EYS: variants seen among roughly 807,000 people sequenced by gnomAD.
EYS encodes the protein protein eyes shut homolog.
EYS carries 250 observed loss-of-function variants against 282.1 expected under a neutral mutation model. The ratio of observed to expected loss-of-function variants is 0.89; its 90% confidence interval spans 0.80 to 0.98. EYS has a LOEUF of 0.98. Ranked by LOEUF, EYS falls within the 50% of genes least tolerant of loss-of-function variation. The pLI is 0.00. For synonymous variants in EYS, 1,355 were observed against 1,282.9 expected, an observed-to-expected ratio of 1.06 and a Z score of -1.20; for missense variants, 4,016 against 3,709.0, an observed-to-expected ratio of 1.08 and a Z score of -2.15.
chr6:65,459,536 T>C (rs1764741917), intron 5 of EYS, among the ~76,000 whole-genome samples: 1 of 152,006 alleles, frequency 6.6e-6, no homozygotes, highest in Non-Finnish European at 1.5e-5. Flanking sequence ...GAGTATATGA[T>C]ATTTTAAATC....
intron 31 of EYS, among the ~76,000 whole-genome samples, chr6:64,215,460 T>C (rs746569989): frequency 9.3e-4 from 142 of 152,050 alleles, no homozygotes; most frequent in Non-Finnish European, 1.9e-3. Flanking sequence ...AGGGCACAGA[T>C]TGAAATGAAT....
intron 22 of EYS, among the ~76,000 whole-genome samples, chr6:64,688,747 G>A (rs1279590938): frequency 6.6e-6 from 1 of 152,116 alleles, no homozygotes; most frequent in East Asian, 1.9e-4. Context: ...GGTCCGCTTG[G>A]TGCAGAGCTG....
chr6:65,038,385 ATAT>A (rs1350262681), intron 13 of EYS, among the ~76,000 whole-genome samples: 2 of 151,268 alleles, frequency 1.3e-5, no homozygotes, highest in African/African-American at 4.8e-5. Flanking sequence ...GTTTAGCATA[ATAT>A]TTGAGAGAGT....
At chr6:64,045,714 T>G (rs933895061) in intron 33 of EYS, among the ~76,000 whole-genome samples, 1 of 151,056 alleles carries the variant, frequency 6.6e-6, no homozygotes, top group Non-Finnish European at 1.5e-5. Context: ...CCCAAAGTGC[T>G]GGGATTACAG....
intron 1 of EYS, among the ~76,000 whole-genome samples, chr6:65,702,610 T>C (rs1448064059): frequency 6.6e-6 from 1 of 152,172 alleles, no homozygotes; most frequent in Non-Finnish European, 1.5e-5. Flanking sequence ...GAGAATCGCT[T>C]GACCCTGGGA....
intron 29 of EYS, among the ~76,000 whole-genome samples, chr6:64,355,954 T>C (rs1319618267): frequency 6.6e-6 from 1 of 151,680 alleles, no homozygotes; most frequent in South Asian, 2.1e-4. Flanking sequence ...CCAGGCACTC[T>C]GCAAATCGTT....
chr6:65,586,906 AT>A (rs1268476914), intron 2 of EYS, among the ~76,000 whole-genome samples: 3 of 151,806 alleles, frequency 2.0e-5, no homozygotes, highest in African/African-American at 7.3e-5. Flanking sequence ...TTTCAGTACG[AT>A]TTTTTTTCTT....
chr6:65,079,010 G>C (rs927373974), intron 12 of EYS, among the ~76,000 whole-genome samples: 2 of 151,544 alleles, frequency 1.3e-5, no homozygotes, highest in African/African-American at 4.8e-5. Flanking sequence ...AGCAGATGCC[G>C]GTACCATGTT....
At chr6:64,487,729 G>A in intron 26 of EYS, among the ~76,000 whole-genome samples, 1 of 150,644 alleles carries the variant, frequency 6.6e-6, no homozygotes, top group Non-Finnish European at 1.5e-5. Context: ...TTTTTAAACT[G>A]TACAATATGC....
At chr6:63,871,247 T>G (rs1772795831) in intron 35 of EYS, among the ~76,000 whole-genome samples, 1 of 152,226 alleles carries the variant, frequency 6.6e-6, no homozygotes, top group African/African-American at 2.4e-5. Context: ...CTTTAACTTA[T>G]TGGCAATAGA....
intron 5 of EYS, among the ~76,000 whole-genome samples, chr6:65,481,430 A>G (rs1308362069): frequency 6.6e-6 from 1 of 152,184 alleles, no homozygotes; most frequent in Non-Finnish European, 1.5e-5. Context: ...CAAGCAATAA[A>G]GTTTCATTAG....
intron 42 of EYS, among the ~76,000 whole-genome samples, chr6:63,725,533 C>T (rs575895977): frequency 2.0e-5 from 3 of 151,996 alleles, no homozygotes; most frequent in South Asian, 4.2e-4. Context: ...ATGTGGTTCT[C>T]CTATTTGACA....
Position 64,848,420 on chromosome 6 carries a change from A to G in EYS, c.2993-25598T>C, listed in dbSNP as rs147677808. On this transcript the variant is annotated intron_variant, in intron 19 of 42. Transcript: ENST00000503581. ...CATGCAGAAATTTGAAAAAATGCAT[A>G]TGAGTTAAGACTGCTTTTATAGTAA... is the stretch of plus-strand genomic sequence containing the variant. Among the ~76,000 whole-genome samples, 602 of 152,244 alleles carry G rather than the reference A, an allele frequency of 4.0e-3. 8 individuals carry two copies. Among genetic ancestry groups the G allele is most frequent in the Admixed American group, 0.035 (535 of 15,252 alleles).
intron 31 of EYS, among the ~76,000 whole-genome samples, chr6:64,146,965 C>T (rs527810609): frequency 6.6e-6 from 1 of 152,256 alleles, no homozygotes; most frequent in Admixed American, 6.6e-5. Context: ...CCTGAGATTG[C>T]ATGGAACATA....
chr6:64,017,479 G>C (rs1401535207), intron 33 of EYS, among the ~76,000 whole-genome samples: 1 of 152,042 alleles, frequency 6.6e-6, no homozygotes, highest in Non-Finnish European at 1.5e-5. Flanking sequence ...CATAGTTGTT[G>C]GTTTTGTGTC....
chr6:65,689,816 G>C (rs1769175498), intron 1 of EYS, among the ~76,000 whole-genome samples: 1 of 149,758 alleles, frequency 6.7e-6, no homozygotes, highest in African/African-American at 2.4e-5. Flanking sequence ...AGATATTGTG[G>C]GATCTGGCCA....
chr6:65,634,722 C>T (rs1767028614), intron 2 of EYS, among the ~76,000 whole-genome samples: 1 of 152,176 alleles, frequency 6.6e-6, no homozygotes, highest in South Asian at 2.1e-4. Context: ...TTCTCTCTGT[C>T]ATCTACATTC....
Position 64,650,254 on chromosome 6 carries a change from A to G in EYS, c.3444-24009T>C, listed in dbSNP as rs144308632. 1.9e-3 allele frequency among the ~76,000 whole-genome samples: 296 copies of G among 152,148 alleles called. 2 individuals carry two copies. The highest frequency in any genetic ancestry group is 9.0e-3 in the Admixed American group (137 of 15,294). On this transcript the variant is annotated intron_variant, in intron 22 of 42. Transcript: ENST00000503581. Reference sequence around the variant, plus strand: ...TAAGAAAATATTAAAAATTAAGTAAACTAAATCTTTAAGTAGCTACAAAAT... The same window carrying G: ...TAAGAAAATATTAAAAATTAAGTAAGCTAAATCTTTAAGTAGCTACAAAAT...
At chr6:64,007,048 T>C (rs1486530283) in intron 33 of EYS, among the ~76,000 whole-genome samples, 1 of 152,200 alleles carries the variant, frequency 6.6e-6, no homozygotes, top group Non-Finnish European at 1.5e-5. Context: ...CCTCAACTTT[T>C]TGGAATAGTT....
Sources: allele counts gnomAD v4.1 joint callset (sites outside exome capture counted in the v4.1 genomes callset), GRCh38; gene constraint gnomAD v4.1.1; transcripts MANE v1.5; gene names NCBI Gene and HGNC (gene_info 2026-07-23, HGNC 2026-07-21).